SLC4A11: variants seen among roughly 807,000 people sequenced by gnomAD.
The protein encoded by SLC4A11 is bicarbonate transporter related protein 1.
A neutral mutation model predicts 95.0 loss-of-function variants in SLC4A11; 74 were observed. The observed-to-expected ratio is 0.78, with a 90% CI of 0.65 to 0.95. SLC4A11 has a LOEUF of 0.95. Among genes scored for constraint, SLC4A11 ranks in the 40% least tolerant of loss-of-function variants. The probability of loss-of-function intolerance (pLI) is 0.00; values close to 1 mark genes in which losing one functional copy is unlikely to be tolerated. For synonymous variants in SLC4A11, 548 were observed against 519.0 expected (o/e 1.06, Z -0.76); for missense variants, 1,081 against 1,192.4 (o/e 0.91, Z 1.38).
At chr20:3,237,139 A>C (rs2068006684) in intron 2 of SLC4A11, among the ~76,000 whole-genome samples, 1 of 152,198 alleles carries the variant, frequency 6.6e-6, no homozygotes, top group South Asian at 2.1e-4. Context: ...GACAGCAGGA[A>C]GGTGCCCGAG....
chr20:3,238,300 A>T, intron 1 of SLC4A11: 7 of 1,193,010 alleles, frequency 5.9e-6, no homozygotes, highest in Admixed American at 4.1e-5. Context: ...TCGCTGTCGG[A>T]GGAAGGAAGC....
At chr20:3,228,135 C>T (rs2067600202) in intron 19 of SLC4A11, 124 bp downstream of exon 19, 8 of 565,988 alleles carry the variant, frequency 1.4e-5, no homozygotes, top group South Asian at 1.3e-4. Flanking sequence ...TCCTCCTGGG[C>T]ACCCACCCCA....
At position 3,228,848 on chromosome 20, in the gene SLC4A11, T is replaced by C. The variant is rs2067639442; in HGVS notation, c.2182A>G (p.Ile728Val). Residue 728 changes from isoleucine (I) to valine (V), a missense_variant, in exon 17 of 20, where the codon ATC (isoleucine) becomes GTC (valine). By Grantham distance (29) the Ile-to-Val change is conservative. Around this residue, in one of 3 missense-constraint regions of SLC4A11, gnomAD observed 767 missense variants for 858.0 expected, o/e 0.89. Transcript: ENST00000642402. ...LVEERVENGH[I>V]YDTIVNVKET... is the part of the protein sequence containing the mutation. ...CAGCCTCACACTCACGTGTCATAGA[T>C]GTGTCCGTTCTCCACACGCTCCTCC... is the stretch of plus-strand genomic sequence containing the variant. 6.2e-7 allele frequency: 1 copy of C among 1,613,652 alleles called. No homozygotes were observed. The highest frequency in any genetic ancestry group is 1.1e-5 in the South Asian group (1 of 91,090).
chr20:3,229,984 G>T (rs994371202), intron 13 of SLC4A11, among the ~76,000 whole-genome samples: 1 of 152,154 alleles, frequency 6.6e-6, no homozygotes, highest in African/African-American at 2.4e-5. Flanking sequence ...CCCCACGGCT[G>T]GTCCCACCTG....
At position 3,234,757 on chromosome 20, in the gene SLC4A11, G is replaced by T; in HGVS notation, c.226C>A (p.Gln76Lys). Residue 76 changes from glutamine to lysine, a missense_variant, in exon 3 of 20, where the codon CAG (glutamine) becomes AAG (lysine). Gln to Lys is a moderately conservative substitution (Grantham distance 53). Coordinates refer to ENST00000642402, the MANE Select transcript of SLC4A11 (RefSeq NM_001174089.2). This position sits in a 1 kb window ranked among gnomAD's most constrained non-coding sequence, Gnocchi z 5.8. ...GCCCCCATACCAGTGTTGGTGGCCT[G>T]CATCTCAAGGTTGACATTGACAAAA... ...RFFVNVNLEMQATNTENEATS... is the reference protein window; with the variant it reads ...RFFVNVNLEMKATNTENEATS... 1 of 1,614,010 alleles carries T rather than the reference G, an allele frequency of 6.2e-7. No individual in the cohort carries two copies.
In SLC4A11 at chr20:3,229,362, G is replaced by A; in HGVS notation, c.1833C>T (p.Gly611=). The A allele has an allele frequency of 6.2e-7, 1 of 1,613,334 alleles. No homozygotes were observed. ...CCAACTCACTCTCGATTTCCCGGAA[G>A]CCATGGGAGCTGATGAGGGAGAAGG... ...VLAFSLISSH[G]FREIEMSKFR... Residue 611 remains glycine (G), a synonymous_variant, in exon 15 of 20, where the codon GGC becomes GGT. Transcript: ENST00000642402.
At chr20:3,233,395 C>G in intron 7 of SLC4A11, 119 bp downstream of exon 7, 1 of 1,476,314 alleles carries the variant, frequency 6.8e-7, no homozygotes, top group Non-Finnish European at 9.3e-7. Flanking sequence ...AGGGCCGAGG[C>G]GAAGGGGAGG....
Position 3,229,510 on chromosome 20 carries a change from A to G in SLC4A11, c.1742+14T>C. ...GACCCATGCGGCCCCTCCCCTCCCCATGCAGCCCCTCACCTCTTCTTGAAT... is the reference window on the plus strand; with the variant it reads ...GACCCATGCGGCCCCTCCCCTCCCCGTGCAGCCCCTCACCTCTTCTTGAAT... On this transcript the variant is annotated intron_variant, in intron 14 of 19. Coordinates refer to ENST00000642402, the MANE Select transcript of SLC4A11 (RefSeq NM_001174089.2). 6.2e-7 allele frequency: 1 copy of G among 1,612,736 alleles called. No homozygotes were observed. The highest frequency in any genetic ancestry group is 8.5e-7 in the Non-Finnish European group (1 of 1,179,922).
At chr20:3,239,488 G>A, upstream of SLC4A11, 1 of 1,009,494 alleles carries the variant, frequency 9.9e-7, no homozygotes, top group Non-Finnish European at 1.2e-6. Flanking sequence ...GGCTGGACGG[G>A]GCCGGGGAGC....
At chr20:3,238,893 C>G in intron 1 of SLC4A11, 1 of 1,252,396 alleles carries the variant, frequency 8.0e-7, no homozygotes, top group South Asian at 2.8e-5. Flanking sequence ...TGAAACCAAG[C>G]GCGCGGTGGC....
At chr20:3,228,188 C>T (rs2067603777) in intron 19 of SLC4A11, 71 bp downstream of exon 19, 6 of 1,543,600 alleles carry the variant, frequency 3.9e-6, no homozygotes, top group Non-Finnish European at 5.3e-6. Flanking sequence ...CTCCTCCCAG[C>T]CGCTGCCCCA....
At position 3,234,361 on chromosome 20, in the gene SLC4A11, G is replaced by A. The variant is rs773021572; in HGVS notation, c.292-47C>T. ...AACCACACGGGCCCATGTATGAGAT[G>A]CTGTCACTGCCTGGTCCCTCCCTCC... is the stretch of plus-strand genomic sequence containing the variant. On this transcript the variant is annotated intron_variant, in intron 4 of 19. Transcript: ENST00000642402. The surrounding 1 kb of genome is among the most constrained non-coding windows in gnomAD (Gnocchi z 5.8). 1.3e-6 allele frequency: 2 copies of A among 1,569,624 alleles called. No individual in the cohort carries two copies. Among genetic ancestry groups the A allele is most frequent in the Non-Finnish European group, 1.7e-6 (2 of 1,143,760 alleles).
At chr20:3,238,475 C>G in intron 1 of SLC4A11, 3 of 1,016,852 alleles carry the variant, frequency 3.0e-6, no homozygotes, top group Non-Finnish European at 3.5e-6. Flanking sequence ...CGACGAGGGT[C>G]TGGGAGGGTT....
Position 3,227,559 on chromosome 20 carries a change from G to A in SLC4A11, c.*228C>T. On this transcript the variant is annotated 3_prime_UTR_variant, in exon 20 of 20. Transcript: ENST00000642402. ...TGCTCAGTCCCACCCACCCTGGGCA[G>A]AAGCTGCCCTGAGCAACGCTCTTGG... 1.7e-6 allele frequency: 1 copy of A among 590,258 alleles called. No individual in the cohort carries two copies. The highest frequency in any genetic ancestry group is 1.9e-5 in the South Asian group (1 of 51,466). 36.6% of individuals were successfully genotyped at this position (590,258 alleles called of 1,614,324 possible).
intron 13 of SLC4A11, 48 bp from the exon 14 acceptor site, chr20:3,229,824 G>T: frequency 6.2e-7 from 1 of 1,612,988 alleles, no homozygotes; most frequent in Non-Finnish European, 8.5e-7. Context: ...CGTGTGGCAG[G>T]GGGAGGCCCT....
At position 3,231,451 on chromosome 20, in the gene SLC4A11, T is replaced by C. The variant is rs2067775058; in HGVS notation, c.827A>G (p.Glu276Gly). 2 of 1,614,106 alleles carry C rather than the reference T, an allele frequency of 1.2e-6. No homozygotes were observed. Among genetic ancestry groups the C allele is most frequent in the Non-Finnish European group, 1.7e-6 (2 of 1,180,026 alleles). The change falls in exon 8 of 20, where the codon GAG becomes GGG. Residue 276 changes from glutamate (E) to glycine (G), a missense_variant. Glu to Gly is a moderately conservative substitution (Grantham distance 98, BLOSUM62 -2). Coordinates refer to ENST00000642402, the MANE Select transcript of SLC4A11 (RefSeq NM_001174089.2). The surrounding 1 kb of genome is among the most constrained non-coding windows in gnomAD (Gnocchi z 5.2). ...RQKLLETRTE[E>G]EFKEALVHQR... ...ATGCACCAAGGCCTCCTTGAATTCC[T>C]CCTCTGTGCGGGTCTCCAGGAGCTT... is the stretch of plus-strand genomic sequence containing the variant.
chr20:3,234,865 A>C lies in SLC4A11; in HGVS notation c.118T>G (p.Phe40Val). The C allele has an allele frequency of 6.2e-7, 1 of 1,613,950 alleles. No individual in the cohort carries two copies. Among genetic ancestry groups the C allele is most frequent in the Non-Finnish European group, 8.5e-7 (1 of 1,179,996 alleles). Residue 40 changes from phenylalanine (F) to valine (V), a missense_variant, in exon 3 of 20, where the codon TTC (phenylalanine) becomes GTC (valine). Phe to Val is a conservative substitution (Grantham distance 50, BLOSUM62 -1). Around this residue, in one of 3 missense-constraint regions of SLC4A11, gnomAD observed 310 missense variants for 313.5 expected, o/e 0.99. Coordinates refer to ENST00000642402, the MANE Select transcript of SLC4A11 (RefSeq NM_001174089.2). The surrounding 1 kb of genome is among the most constrained non-coding windows in gnomAD (Gnocchi z 5.8). ...SYYKCDTDDTFEAREEILGDE... is the reference protein window; with the variant it reads ...SYYKCDTDDTVEAREEILGDE... ...CCCAGGATCTCCTCTCGGGCTTCGA[A>C]GGTGTCATCTGTGTCACACTTGTAG...
At position 3,229,468 on chromosome 20, in the gene SLC4A11, G is replaced by A. The variant is rs2067676934; in HGVS notation, c.1743-16C>T. 5.0e-6 allele frequency: 8 copies of A among 1,613,076 alleles called. No homozygotes were observed. Among genetic ancestry groups the A allele is most frequent in the Non-Finnish European group, 6.8e-6 (8 of 1,180,000 alleles). ...CAGGTAGGGGCTGGGGACAGCAGGT[G>A]CATGAGCACAGCCTTTGACCCATGC... is the stretch of plus-strand genomic sequence containing the variant. On this transcript the variant is annotated splice_polypyrimidine_tract_variant and intron_variant, in intron 14 of 19. Transcript: ENST00000642402.
chr20:3,234,408 C>CCCCCAGT lies in SLC4A11; in HGVS notation c.292-95_292-94insACTGGGG. ...CTCCCAGCCAGCCGCAGCAGTCCAG[C>CCCCCAGT]CCCCAGCCCCCAGCCCCCAGCCCTG... On this transcript the variant is annotated intron_variant, in intron 4 of 19. Transcript: ENST00000642402. The surrounding 1 kb of genome is among the most constrained non-coding windows in gnomAD (Gnocchi z 5.8). 7.0e-7 allele frequency: 1 copy of CCCCCAGT among 1,434,184 alleles called. No individual in the cohort carries two copies. The highest frequency in any genetic ancestry group is 9.7e-7 in the Non-Finnish European group (1 of 1,030,608). The allele number at this position is 1,434,184 out of a possible 1,614,324, so 88.8% of individuals were successfully genotyped here. A position where few individuals can be genotyped will look rare whatever the true frequency, so the allele number is the denominator to read the frequency against.
Sources: gnomAD v4.1 joint callset for allele counts (sites outside exome capture counted in the v4.1 genomes callset) on GRCh38, gnomAD v4.1.1 for gene constraint, gnomAD v4.1.1 regional missense constraint, Gnocchi (gnomAD v3.1) non-coding constraint, MANE v1.5 for transcripts, NCBI Gene and HGNC (gene_info 2026-07-23, HGNC 2026-07-21) for gene names.